PTPRD: variants seen among roughly 807,000 people sequenced by gnomAD.
The protein encoded by PTPRD is protein tyrosine phosphatase receptor type D.
A neutral mutation model predicts 214.5 loss-of-function variants in PTPRD; 34 were observed. The observed-to-expected ratio is 0.16, with a 90% CI of 0.12 to 0.21. PTPRD has a LOEUF of 0.21. Among genes scored for constraint, PTPRD ranks in the 10% least tolerant of loss-of-function variants. PTPRD has a pLI of 1.00. For synonymous variants in PTPRD, 1,128 were observed against 845.7 expected (o/e 1.33, Z -5.79); for missense variants, 2,545 against 2,398.7 (o/e 1.06, Z -1.27).
intron 9 of PTPRD, among the ~76,000 whole-genome samples, chr9:9,342,751 T>G (rs909953931): frequency 6.6e-6 from 1 of 152,130 alleles, no homozygotes; most frequent in East Asian, 1.9e-4. Context: ...GGGATACATG[T>G]GCAGAACATG....
chr9:8,934,403 G>GTA lies in PTPRD; in HGVS notation c.-104+84293_-104+84294insTA, dbSNP rs1365118216. Among the ~76,000 whole-genome samples the GTA allele has an allele frequency of 0.015, 632 of 41,794 alleles. 48 individuals are homozygous for GTA. In the South Asian group the frequency reaches 0.21, roughly 14 times the overall value. 27.4% of individuals were successfully genotyped at this position (41,794 alleles called of 152,430 possible). A position where few individuals can be genotyped will look rare whatever the true frequency, so the allele number is the denominator to read the frequency against. ...TGACAAATACTAATTATGTGTGTGT[G>GTA]TGTGTGTGTGTGTGTGTGTATATAT... On this transcript the variant is annotated intron_variant, in intron 11 of 45. Coordinates refer to ENST00000381196, the MANE Select transcript of PTPRD (RefSeq NM_002839.4).
At chr9:9,636,060 G>C (rs1284586742) in intron 7 of PTPRD, among the ~76,000 whole-genome samples, 1 of 152,106 alleles carries the variant, frequency 6.6e-6, no homozygotes, top group Non-Finnish European at 1.5e-5. Flanking sequence ...TGCACTCTCA[G>C]TCAAAGCCCC....
At chr9:9,234,340 G>C (rs186400488) in intron 9 of PTPRD, among the ~76,000 whole-genome samples, 95 of 152,306 alleles carry the variant, frequency 6.2e-4, no homozygotes, top group African/African-American at 2.1e-3. Context: ...GATGCATAGA[G>C]TGGGCGGGCC....
intron 9 of PTPRD, among the ~76,000 whole-genome samples, chr9:9,333,879 G>A (rs7872091): frequency 0.08 from 12,179 of 151,764 alleles, 1,636 homozygotes; most frequent in African/African-American, 0.28. Context: ...CTTAAACACT[G>A]GAACACCTAA....
chr9:9,038,714 C>G (rs2099629975), intron 10 of PTPRD, among the ~76,000 whole-genome samples: 1 of 151,948 alleles, frequency 6.6e-6, no homozygotes, highest in East Asian at 1.9e-4. Context: ...ACCACCACGC[C>G]CAGCTAATTT....
At chr9:9,869,879 G>C (rs533213289) in intron 5 of PTPRD, among the ~76,000 whole-genome samples, 1 of 152,088 alleles carries the variant, frequency 6.6e-6, no homozygotes, top group African/African-American at 2.4e-5. Flanking sequence ...CAGAGATTGA[G>C]ACAAGTGGGA....
At chr9:9,625,447 T>G (rs891208678) in intron 7 of PTPRD, among the ~76,000 whole-genome samples, 1 of 152,142 alleles carries the variant, frequency 6.6e-6, no homozygotes, top group African/African-American at 2.4e-5. Flanking sequence ...GGAGCTTCTG[T>G]CAGTTCTTAA....
At chr9:9,350,681 C>T (rs1169894269) in intron 9 of PTPRD, among the ~76,000 whole-genome samples, 1 of 151,912 alleles carries the variant, frequency 6.6e-6, no homozygotes, top group African/African-American at 2.4e-5. Context: ...ATCTGTGTGG[C>T]CCTTCACTCT....
At chr9:9,999,816 G>A (rs1287065471) in intron 4 of PTPRD, among the ~76,000 whole-genome samples, 2 of 152,144 alleles carry the variant, frequency 1.3e-5, no homozygotes, top group Admixed American at 6.5e-5. Flanking sequence ...ACTTTTTACC[G>A]AAGGTTGCTA....
intron 14 of PTPRD, among the ~76,000 whole-genome samples, chr9:8,541,669 T>G (rs567735291): frequency 6.6e-6 from 1 of 152,274 alleles, no homozygotes; most frequent in East Asian, 1.9e-4. Flanking sequence ...GCCCAGCCTT[T>G]GTGTTTGTTT....
In PTPRD at chr9:8,747,562, T is replaced by C. The variant is rs1275232118; in HGVS notation, c.-103-13616A>G. Among the ~76,000 whole-genome samples, 4 of 152,116 alleles carry C rather than the reference T, an allele frequency of 2.6e-5. No homozygotes were observed. In the East Asian group the frequency reaches 7.7e-4, roughly 29 times the overall value. The stretch of plus-strand genomic sequence containing the variant: ...AGAGCCACAAGGCAGGACCCTCCCT[T>C]AGAAATGCTTACAGAAGGACACTTA... On this transcript the variant is annotated intron_variant, in intron 11 of 45. Coordinates refer to ENST00000381196, the MANE Select transcript of PTPRD (RefSeq NM_002839.4).
At chr9:9,436,333 A>G (rs191522600) in intron 8 of PTPRD, among the ~76,000 whole-genome samples, 47 of 152,194 alleles carry the variant, frequency 3.1e-4, no homozygotes, top group African/African-American at 4.1e-4. Context: ...CCTGAGACCC[A>G]AAATAGGACT....
At chr9:9,734,719 T>C (rs769813221) in intron 6 of PTPRD, 148 bp from the exon 7 acceptor site, 6 of 152,144 alleles carry the variant, frequency 3.9e-5, no homozygotes, top group Non-Finnish European at 5.9e-5. Context: ...TTTCTGTAGA[T>C]GAAAATGTGT....
chr9:9,922,137 A>C (rs1265574229), intron 5 of PTPRD, among the ~76,000 whole-genome samples: 1 of 152,052 alleles, frequency 6.6e-6, no homozygotes, highest in Non-Finnish European at 1.5e-5. Flanking sequence ...GCTGTGAGCA[A>C]CTCACCACTT....
chr9:10,006,388 C>T (rs2096476953), intron 4 of PTPRD, among the ~76,000 whole-genome samples: 1 of 151,896 alleles, frequency 6.6e-6, no homozygotes. Context: ...GCTGATCCCA[C>T]TTACTTAAAA....
chr9:9,349,716 A>G (rs1399089678), intron 9 of PTPRD, among the ~76,000 whole-genome samples: 1 of 150,350 alleles, frequency 6.7e-6, no homozygotes, highest in Non-Finnish European at 1.5e-5. Context: ...CCTAATTTCT[A>G]TATCACCTTG....
chr9:9,552,769 C>A (rs1254586316), intron 8 of PTPRD, among the ~76,000 whole-genome samples: 1 of 152,052 alleles, frequency 6.6e-6, no homozygotes, highest in Non-Finnish European at 1.5e-5. Flanking sequence ...GACATGGCTG[C>A]TTTTCAAAGA....
At chr9:9,780,396 A>C (rs115300697) in intron 5 of PTPRD, among the ~76,000 whole-genome samples, 1 of 152,180 alleles carries the variant, frequency 6.6e-6, no homozygotes, top group Non-Finnish European at 1.5e-5. Flanking sequence ...TTTAAAATTA[A>C]AAAAATAAAA....
At chr9:10,031,098 T>C (rs1054105639) in intron 4 of PTPRD, among the ~76,000 whole-genome samples, 1 of 152,184 alleles carries the variant, frequency 6.6e-6, no homozygotes, top group African/African-American at 2.4e-5. Context: ...CAAGTATAGA[T>C]ACTGTAGCGC....
Sources: allele counts gnomAD v4.1 joint callset (sites outside exome capture counted in the v4.1 genomes callset), GRCh38; gene constraint gnomAD v4.1.1; transcripts MANE v1.5; gene names NCBI Gene and HGNC (gene_info 2026-07-23, HGNC 2026-07-21).